The following GPC6 variants were observed in gnomAD, a reference collection of about 807,000 sequenced individuals.
GPC6 encodes the protein glypican-6.
In GPC6, 14 loss-of-function variants were observed where a neutral mutation model predicts 55.2. The ratio of observed to expected loss-of-function variants is 0.25; its 90% CI spans 0.17 to 0.40. The LOEUF (loss-of-function observed/expected upper bound fraction) is 0.40, where lower values mean the gene tolerates loss of function less well. GPC6 is among the 10% of genes least tolerant of loss of function. The probability of loss-of-function intolerance (pLI) is 1.00; values close to 1 mark genes in which losing one functional copy is unlikely to be tolerated. For synonymous variants in GPC6, 278 were observed against 259.6 expected, an observed-to-expected ratio of 1.07 and a Z score of -0.68; for missense variants, 641 against 708.5, an observed-to-expected ratio of 0.90 and a Z score of 1.08.
chr13:93,218,861 G>A, the GPC6 span, among the ~76,000 whole-genome samples: 1 of 152,152 alleles, frequency 6.6e-6, no homozygotes. Flanking sequence ...AATGGTTGGA[G>A]TTTGAGAACC....
chr13:93,894,008 G>A (rs917948540), intron 3 of GPC6, among the ~76,000 whole-genome samples: 8 of 152,154 alleles, frequency 5.3e-5, no homozygotes, highest in African/African-American at 1.7e-4. Flanking sequence ...CAAACTCCAT[G>A]ATGGCACTTA....
intron 4 of GPC6, among the ~76,000 whole-genome samples, chr13:94,140,781 G>A (rs1195354049): frequency 1.3e-5 from 2 of 152,058 alleles, no homozygotes; most frequent in Non-Finnish European, 2.9e-5. Flanking sequence ...GAGGCTACCA[G>A]GAGCAACTTT....
chr13:94,382,633 T>C (rs1397001976), intron 7 of GPC6, 83 bp downstream of exon 7: 2 of 1,569,956 alleles, frequency 1.3e-6, no homozygotes, highest in Non-Finnish European at 1.7e-6. Flanking sequence ...TCTACAAACC[T>C]GTTTATGCAA....
At chr13:93,561,395 A>T (rs1471429759) in intron 2 of GPC6, among the ~76,000 whole-genome samples, 1 of 125,086 alleles carries the variant, frequency 8.0e-6, no homozygotes, top group African/African-American at 3.0e-5. Flanking sequence ...TGCATACTAT[A>T]TCCCTATCGA....
At chr13:93,406,688 G>C (rs191557886) in intron 1 of GPC6, among the ~76,000 whole-genome samples, 1 of 152,096 alleles carries the variant, frequency 6.6e-6, no homozygotes, top group Non-Finnish European at 1.5e-5. Context: ...ATCAGTCCAA[G>C]TGATCACATT....
chr13:94,146,509 A>G (rs773933326), intron 4 of GPC6, among the ~76,000 whole-genome samples: 14 of 152,102 alleles, frequency 9.2e-5, no homozygotes, highest in Non-Finnish European at 1.9e-4. Flanking sequence ...TCATCCTTGG[A>G]CCAATTATAG....
At chr13:94,395,228 AAAC>A (rs774285586) in intron 7 of GPC6, among the ~76,000 whole-genome samples, 1 of 152,232 alleles carries the variant, frequency 6.6e-6, no homozygotes, top group Non-Finnish European at 1.5e-5. Flanking sequence ...TACATCAGGA[AAAC>A]AGTCTCAGGA....
At chr13:93,457,974 G>A (rs1300438507) in intron 1 of GPC6, among the ~76,000 whole-genome samples, 5 of 152,152 alleles carry the variant, frequency 3.3e-5, no homozygotes, top group African/African-American at 1.2e-4. Flanking sequence ...CACTCAGGGA[G>A]GATTCATTCC....
intron 5 of GPC6, among the ~76,000 whole-genome samples, chr13:94,304,836 C>T (rs778919125): frequency 1.3e-5 from 2 of 152,154 alleles, no homozygotes; most frequent in Non-Finnish European, 1.5e-5. Flanking sequence ...GAACAGCTGT[C>T]AACAACAAAA....
chr13:94,185,458 A>C (rs960250404), intron 4 of GPC6, among the ~76,000 whole-genome samples: 1 of 152,032 alleles, frequency 6.6e-6, no homozygotes, highest in Non-Finnish European at 1.5e-5. Flanking sequence ...CAACGTGTAC[A>C]TAGACACATT....
chr13:94,044,290 T>C (rs918528413), intron 4 of GPC6, among the ~76,000 whole-genome samples: 1 of 151,954 alleles, frequency 6.6e-6, no homozygotes, highest in African/African-American at 2.4e-5. Flanking sequence ...GTAGATATTC[T>C]TTTATACTTT....
intron 1 of GPC6, among the ~76,000 whole-genome samples, chr13:93,271,204 C>G (rs2139053300): frequency 6.6e-6 from 1 of 152,218 alleles, no homozygotes; most frequent in African/African-American, 2.4e-5. Context: ...AACTTTAGGG[C>G]TAGGGAAAGA....
At chr13:94,009,674 C>T (rs1165769391) in intron 3 of GPC6, among the ~76,000 whole-genome samples, 1 of 152,086 alleles carries the variant, frequency 6.6e-6, no homozygotes, top group Non-Finnish European at 1.5e-5. Context: ...GGCCATGGCC[C>T]TACATAATAG....
chr13:93,557,515 T>C (rs3848060), intron 2 of GPC6, among the ~76,000 whole-genome samples: 58,415 of 152,072 alleles, frequency 0.38, 13,001 homozygotes, highest in African/African-American at 0.59. Context: ...AAAATGTTCT[T>C]CTTGACCACT....
chr13:93,954,611 C>T (rs1012685683), intron 3 of GPC6, among the ~76,000 whole-genome samples: 23 of 152,272 alleles, frequency 1.5e-4, no homozygotes, highest in Admixed American at 1.2e-3. Flanking sequence ...AAACAACTTT[C>T]CTGATGTTGA....
At chr13:93,228,343 C>A (rs987242439) in intron 1 of GPC6, among the ~76,000 whole-genome samples, 13 of 152,198 alleles carry the variant, frequency 8.5e-5, no homozygotes, top group Non-Finnish European at 1.9e-4. Flanking sequence ...GGACACCCTG[C>A]CACCCGGTCT....
chr13:94,083,408 GCA>G (rs1566381275), intron 4 of GPC6, among the ~76,000 whole-genome samples: 27 of 152,254 alleles, frequency 1.8e-4, no homozygotes, highest in Non-Finnish European at 2.6e-4. Flanking sequence ...ATGAGCCACT[GCA>G]CCCGGCCAGG....
At chr13:94,006,019 C>T (rs1328566225) in intron 3 of GPC6, among the ~76,000 whole-genome samples, 1 of 151,918 alleles carries the variant, frequency 6.6e-6, no homozygotes, top group East Asian at 1.9e-4. Flanking sequence ...TGATATTAAC[C>T]ACCCACTTGT....
intron 3 of GPC6, among the ~76,000 whole-genome samples, chr13:93,902,398 T>C (rs970801581): frequency 2.0e-5 from 3 of 152,214 alleles, no homozygotes; most frequent in Non-Finnish European, 4.4e-5. Flanking sequence ...TCATTTTTAA[T>C]GGCTGAATGG....
Sources: allele counts gnomAD v4.1 joint callset (sites outside exome capture counted in the v4.1 genomes callset), GRCh38; gene constraint gnomAD v4.1.1; transcripts MANE v1.5; gene names NCBI Gene and HGNC (gene_info 2026-07-23, HGNC 2026-07-21).